Variants in PLD3 observed in about 807,000 individuals in gnomAD.
PLD3 encodes the protein phospholipase D family member 3, also known as 5'-3' exonuclease PLD3.
Under a neutral mutation model 58.4 loss-of-function variants are expected in PLD3, and 31 were observed. The ratio of observed to expected loss-of-function variants is 0.53; its 90% CI spans 0.40 to 0.72. The LOEUF is 0.72. PLD3 is among the 30% of genes least tolerant of loss of function. The pLI, the probability that PLD3 is intolerant of heterozygous loss-of-function variation, is 0.00. For missense variants in PLD3, 595 were observed against 659.8 expected, an observed-to-expected ratio of 0.90 and a Z score of 1.08; for synonymous variants, 264 against 273.4, an observed-to-expected ratio of 0.97 and a Z score of 0.34.
intron 10 of PLD3, chr19:40,374,891 C>G (rs780322878): frequency 3.5e-5 from 16 of 458,798 alleles, no homozygotes; most frequent in Non-Finnish European, 5.6e-5. Context: ...CGTGGTGGCT[C>G]ACGCCTGTAA....
In PLD3 at chr19:40,366,590, G is replaced by C. The variant is rs367846248; in HGVS notation, c.28-20G>C. Reference sequence around the variant, plus strand: ...TTCCCAAGAGCCACCTGTCACCCCCGTTGTTGTCCCCATCCCCAGCTGAAG... The same window carrying C: ...TTCCCAAGAGCCACCTGTCACCCCCCTTGTTGTCCCCATCCCCAGCTGAAG... On this transcript the variant is annotated intron_variant, in intron 3 of 12. Transcript: ENST00000409735. The C allele has an allele frequency of 6.3e-7, 1 of 1,579,302 alleles. No individual in the cohort carries two copies. Among genetic ancestry groups the C allele is most frequent in the Non-Finnish European group, 8.6e-7 (1 of 1,161,256 alleles).
intron 1 of PLD3, among the ~76,000 whole-genome samples, chr19:40,361,203 T>C (rs2078773324): frequency 6.6e-6 from 1 of 152,098 alleles, no homozygotes; most frequent in South Asian, 2.1e-4. Context: ...TTCCTCCTCC[T>C]GGGTTCAAGC....
intron 1 of PLD3, among the ~76,000 whole-genome samples, chr19:40,363,185 G>T (rs1372229709): frequency 2.0e-5 from 3 of 152,084 alleles, no homozygotes; most frequent in Non-Finnish European, 4.4e-5. Flanking sequence ...CTTCATCTTG[G>T]CTTCCCTAAT....
At chr19:40,375,897 T>C (rs907200809) in intron 10 of PLD3, among the ~76,000 whole-genome samples, 2 of 148,396 alleles carry the variant, frequency 1.3e-5, no homozygotes, top group Non-Finnish European at 3.0e-5. Context: ...ATAGAAAAAT[T>C]GGAAGATTAG....
intron 10 of PLD3, chr19:40,374,868 TGA>T (rs2079155199): frequency 1.9e-6 from 1 of 518,114 alleles, no homozygotes; most frequent in Non-Finnish European, 3.5e-6. Context: ...GAGAAAAGGA[TGA>T]GAGGGCCGGG....
rs757143126 is a variant in PLD3 at position 40,370,044 on chromosome 19, A to ACTGGGGCTGGT, written c.550+22_550+32dup. 6.4e-7 allele frequency: 1 copy of ACTGGGGCTGGT among 1,568,360 alleles called. No individual in the cohort carries two copies. The highest frequency in any genetic ancestry group is 8.6e-7 in the Non-Finnish European group (1 of 1,156,918). ...CTGCAGAGCGGTGAGCTGGGGCCCA[A>ACTGGGGCTGGT]CTGGGGCTGGTCTGGGCCTGGGGGT... On this transcript the variant is annotated intron_variant, in intron 7 of 12. Coordinates refer to ENST00000409735, the MANE Select transcript of PLD3 (RefSeq NM_012268.4).
At chr19:40,371,450 A>G in intron 8 of PLD3, 1 of 567,162 alleles carries the variant, frequency 1.8e-6, no homozygotes, top group Non-Finnish European at 3.2e-6. Context: ...AGTGGAGGGT[A>G]GAAGCAACAG....
chr19:40,374,832 G>GT (rs1383387183), intron 10 of PLD3: 3 of 578,614 alleles, frequency 5.2e-6, no homozygotes, highest in Admixed American at 6.1e-5. Flanking sequence ...CAGGGATGAG[G>GT]TTTCAGGACA....
At chr19:40,375,895 A>T (rs1284175515) in intron 10 of PLD3, among the ~76,000 whole-genome samples, 4 of 150,058 alleles carry the variant, frequency 2.7e-5, no homozygotes, top group Non-Finnish European at 5.9e-5. Context: ...CTATAGAAAA[A>T]TTGGAAGATT....
intron 4 of PLD3, 38 bp downstream of exon 4, chr19:40,366,722 C>T: frequency 6.2e-7 from 1 of 1,613,996 alleles, no homozygotes; most frequent in East Asian, 2.2e-5. Flanking sequence ...GTCTCAGAGA[C>T]AGGCTGGGCT....
intron 5 of PLD3, 37 bp from the exon 6 acceptor site, chr19:40,367,659 C>T (rs765642664): frequency 1.5e-5 from 24 of 1,567,760 alleles, no homozygotes; most frequent in Admixed American, 1.4e-4. Flanking sequence ...CCTTGCTCTC[C>T]GGCACCGTAT....
intron 1 of PLD3, chr19:40,357,107 A>G (rs1196218601): frequency 6.6e-6 from 1 of 152,212 alleles, no homozygotes; most frequent in Non-Finnish European, 1.5e-5. Flanking sequence ...CGTTTTCTGT[A>G]GACAATTGAT....
In PLD3 at chr19:40,378,289, G is replaced by T; in HGVS notation, c.*116G>T. The T allele has an allele frequency of 1.0e-6, 1 of 980,356 alleles. No homozygotes were observed. The highest frequency in any genetic ancestry group is 1.6e-6 in the Non-Finnish European group (1 of 620,994). The allele number at this position is 980,356 out of a possible 1,614,324, so 60.7% of individuals were successfully genotyped here. ...TGTCTGCCCCATTGTGGCTCCTCAG[G>T]CTCTCTCCCCTGCTCTCCCACCTCT... On this transcript the variant is annotated 3_prime_UTR_variant, in exon 13 of 13. Coordinates refer to ENST00000409735, the MANE Select transcript of PLD3 (RefSeq NM_012268.4).
chr19:40,357,767 A>C (rs1470219610), intron 1 of PLD3: 1 of 152,194 alleles, frequency 6.6e-6, no homozygotes, highest in East Asian at 1.9e-4. Flanking sequence ...AGCAAGGGAC[A>C]CATATGTTGA....
At chr19:40,366,389 C>G in intron 2 of PLD3, 30 bp from the exon 3 acceptor site, 1 of 1,037,442 alleles carries the variant, frequency 9.6e-7, no homozygotes, top group South Asian at 1.3e-5. Context: ...CGTAGAACAC[C>G]CCACACAGTG....
chr19:40,376,980 CG>C (rs984201559), intron 11 of PLD3, among the ~76,000 whole-genome samples: 2 of 135,118 alleles, frequency 1.5e-5, no homozygotes, highest in Non-Finnish European at 3.2e-5. Flanking sequence ...GGGTTGGGAC[CG>C]GGATGGGGGT....
At chr19:40,359,634 G>A (rs1034829035) in intron 1 of PLD3, 8 of 152,142 alleles carry the variant, frequency 5.3e-5, no homozygotes, top group Non-Finnish European at 1.2e-4. Context: ...CTAGCTAGGA[G>A]CCTGAGCCTC....
intron 2 of PLD3, 179 bp downstream of exon 2, chr19:40,366,109 A>C: frequency 2.9e-6 from 1 of 342,134 alleles, no homozygotes; most frequent in Non-Finnish European, 5.4e-6. Context: ...CGCTGACCTC[A>C]TCCAGCGCTG....
chr19:40,351,994 G>A (rs1600252307), intron 1 of PLD3, among the ~76,000 whole-genome samples: 1 of 151,984 alleles, frequency 6.6e-6, no homozygotes, highest in Non-Finnish European at 1.5e-5. Context: ...GATCGAGACC[G>A]GGCGTGGTGG....
Sources: allele counts gnomAD v4.1 joint callset (sites outside exome capture counted in the v4.1 genomes callset), GRCh38; gene constraint gnomAD v4.1.1; transcripts MANE v1.5; gene names NCBI Gene and HGNC (gene_info 2026-07-23, HGNC 2026-07-21).